The following KIF16B variants were observed in gnomAD, a reference collection of about 807,000 sequenced individuals.
KIF16B encodes kinesin family member 16B.
KIF16B carries 98 observed loss-of-function variants against 156.3 expected under a neutral mutation model. The observed-to-expected ratio is 0.63, with a 90% CI of 0.53 to 0.74. KIF16B has a LOEUF of 0.74. Ranked by LOEUF, KIF16B falls within the 30% of genes least tolerant of loss-of-function variation. The pLI is 0.00. For synonymous variants in KIF16B, 564 were observed against 583.7 expected (o/e 0.97, Z 0.49); for missense variants, 1,421 against 1,606.5 (o/e 0.88, Z 1.97).
chr20:16,494,709 C>T (rs1056146921), intron 11 of KIF16B, among the ~76,000 whole-genome samples: 5 of 152,178 alleles, frequency 3.3e-5, no homozygotes, highest in Non-Finnish European at 4.4e-5. Flanking sequence ...TACATCAGGT[C>T]CTAAAAAATA....
chr20:16,488,070 A>C lies in KIF16B; in HGVS notation c.1302+6221T>G, dbSNP rs372747568. 1.4e-3 allele frequency among the ~76,000 whole-genome samples: 218 copies of C among 152,322 alleles called. 1 individual carries two copies. The highest frequency in any genetic ancestry group is 4.7e-3 in the African/African-American group (197 of 41,582). ...CCTCTCCCACCCGCTGCCACACCAC[A>C]GTCAAAAGCCCTGTGCAGGCAATGA... On this transcript the variant is annotated intron_variant, in intron 12 of 25. Transcript: ENST00000354981.
chr20:16,527,997 A>C (rs937794689), intron 2 of KIF16B, among the ~76,000 whole-genome samples: 1 of 152,034 alleles, frequency 6.6e-6, no homozygotes, highest in African/African-American at 2.4e-5. Flanking sequence ...GATCCTCTTC[A>C]TTAAAAATGG....
intron 1 of KIF16B, among the ~76,000 whole-genome samples, chr20:16,548,719 A>C (rs1458491442): frequency 6.6e-6 from 1 of 152,176 alleles, no homozygotes; most frequent in African/African-American, 2.4e-5. Flanking sequence ...TGGTGCCAAG[A>C]AGTCTCAGGA....
intron 25 of KIF16B, among the ~76,000 whole-genome samples, chr20:16,275,195 A>G (rs571956065): frequency 1.3e-5 from 2 of 152,130 alleles, no homozygotes; most frequent in African/African-American, 4.8e-5. Context: ...CTGGGACTAC[A>G]GGCATGTGCC....
intron 23 of KIF16B, among the ~76,000 whole-genome samples, chr20:16,354,290 G>A (rs769319435): frequency 3.3e-5 from 5 of 151,996 alleles, no homozygotes; most frequent in East Asian, 1.9e-4. Context: ...AAATAAATCC[G>A]TGTACCAACT....
At chr20:16,503,365 G>A (rs913958233) in intron 10 of KIF16B, among the ~76,000 whole-genome samples, 13 of 152,148 alleles carry the variant, frequency 8.5e-5, no homozygotes, top group African/African-American at 2.2e-4. Flanking sequence ...ATATTTTTAA[G>A]CACAATGAAC....
chr20:16,334,050 TCA>T (rs1346553050), intron 24 of KIF16B, among the ~76,000 whole-genome samples: 1 of 152,238 alleles, frequency 6.6e-6, no homozygotes, highest in Non-Finnish European at 1.5e-5. Context: ...TTCTTGTCTG[TCA>T]CAGTCTTACT....
chr20:16,272,349 C>T lies in KIF16B; in HGVS notation c.*904G>A, dbSNP rs961341473. 6.6e-6 allele frequency: 1 copy of T among 152,544 alleles called. No homozygotes were observed. Among genetic ancestry groups the T allele is most frequent in the Non-Finnish European group, 1.5e-5 (1 of 68,022 alleles). 9.4% of individuals were successfully genotyped at this position (152,544 alleles called of 1,614,324 possible). A position where few individuals can be genotyped will look rare whatever the true frequency, so the allele number is the denominator to read the frequency against. ...TTTTACTGTACACAGAAGTGCAATG[C>T]TACATTAAGTCCTGAGTAATTTAAG... On this transcript the variant is annotated 3_prime_UTR_variant, in exon 26 of 26. Coordinates refer to ENST00000354981, the MANE Select transcript of KIF16B (RefSeq NM_024704.5).
intron 1 of KIF16B, among the ~76,000 whole-genome samples, chr20:16,530,485 G>A (rs751391689): frequency 1.3e-5 from 2 of 152,162 alleles, no homozygotes; most frequent in Admixed American, 1.3e-4. Flanking sequence ...GACCCAGCCA[G>A]CAGGAAACAG....
intron 1 of KIF16B, among the ~76,000 whole-genome samples, chr20:16,566,467 C>T (rs1231723864): frequency 6.6e-6 from 1 of 152,200 alleles, no homozygotes; most frequent in African/African-American, 2.4e-5. Context: ...CACTAATTGG[C>T]GAAAGACAGC....
chr20:16,302,132 G>A (rs1450284735), intron 25 of KIF16B, among the ~76,000 whole-genome samples: 3 of 152,142 alleles, frequency 2.0e-5, no homozygotes, highest in Middle Eastern at 3.2e-3. Flanking sequence ...TTAAACTTTA[G>A]TGAAGTCTAT....
intron 25 of KIF16B, among the ~76,000 whole-genome samples, chr20:16,281,760 T>C (rs1413897568): frequency 1.3e-5 from 2 of 152,150 alleles, no homozygotes; most frequent in African/African-American, 4.8e-5. Context: ...TTGAGCTGAA[T>C]GAAACAGACA....
intron 24 of KIF16B, among the ~76,000 whole-genome samples, chr20:16,319,433 C>T (rs1568846430): frequency 6.6e-6 from 1 of 152,148 alleles, no homozygotes; most frequent in African/African-American, 2.4e-5. Flanking sequence ...TGAAAAGTTA[C>T]TCCTGTCCTC....
At chr20:16,410,018 C>CATATATATATGTTGGTACAT (rs2065892747) in intron 15 of KIF16B, among the ~76,000 whole-genome samples, 3 of 55,236 alleles carry the variant, frequency 5.4e-5, no homozygotes, top group Non-Finnish European at 6.7e-5. Context: ...TATGTAGGTA[C>CATATATATATGTTGGTACAT]ATATATATAT....
intron 22 of KIF16B, chr20:16,368,482 C>A: frequency 4.1e-6 from 4 of 986,302 alleles, no homozygotes; most frequent in Non-Finnish European, 4.8e-6. Context: ...GGAGGGGAGC[C>A]CCCTCGGGGC....
intron 25 of KIF16B, among the ~76,000 whole-genome samples, chr20:16,283,384 G>A (rs1483623885): frequency 1.3e-5 from 2 of 152,158 alleles, no homozygotes; most frequent in African/African-American, 4.8e-5. Context: ...AACTGGGGCA[G>A]CTGACCAGAG....
chr20:16,273,052 G>A lies in KIF16B; in HGVS notation c.*201C>T, dbSNP rs1006681623. ...TGGAACGGTAACGGCTGCCTGTCAG[G>A]GCCACATCAGCAGGCAGAGCATCCC... On this transcript the variant is annotated 3_prime_UTR_variant, in exon 26 of 26. Transcript: ENST00000354981. 1 of 575,554 alleles carries A rather than the reference G, an allele frequency of 1.7e-6. No individual in the cohort carries two copies. The allele number at this position is 575,554 out of a possible 1,614,324, so 35.7% of individuals were successfully genotyped here.
chr20:16,309,190 C>A (rs1334857189), intron 25 of KIF16B, among the ~76,000 whole-genome samples: 1 of 152,142 alleles, frequency 6.6e-6, no homozygotes, highest in Non-Finnish European at 1.5e-5. Flanking sequence ...AATTATTAGC[C>A]AGATTCTGAA....
chr20:16,557,702 G>C (rs994984853), intron 1 of KIF16B, among the ~76,000 whole-genome samples: 1 of 152,164 alleles, frequency 6.6e-6, no homozygotes, highest in African/African-American at 2.4e-5. Flanking sequence ...TCCTCCACTC[G>C]AAGCCCAGGC....
Sources: gnomAD v4.1 joint callset for allele counts (sites outside exome capture counted in the v4.1 genomes callset) on GRCh38, gnomAD v4.1.1 for gene constraint, MANE v1.5 for transcripts, NCBI Gene and HGNC (gene_info 2026-07-23, HGNC 2026-07-21) for gene names.